PXDNL: variants seen among roughly 807,000 people sequenced by gnomAD.
PXDNL encodes peroxidasin like.
In PXDNL, 145 loss-of-function variants were observed where a neutral mutation model predicts 150.8. That is an observed-to-expected ratio of 0.96 (90% confidence interval 0.84 to 1.10). PXDNL has a LOEUF of 1.10. Among genes scored for constraint, PXDNL ranks in the 50% least tolerant of loss-of-function variants. The pLI is 0.00. For missense variants in PXDNL, 2,087 were observed against 1,873.9 expected (o/e 1.11, Z -2.10); for synonymous variants, 757 against 725.7 (o/e 1.04, Z -0.69).
chr8:51,352,521 G>A (rs1243558339), intron 19 of PXDNL, among the ~76,000 whole-genome samples: 1 of 152,106 alleles, frequency 6.6e-6, no homozygotes, highest in Non-Finnish European at 1.5e-5. Context: ...ATGATAGTGA[G>A]GGGGTTCTCA....
chr8:51,650,393 G>T (rs566245076), intron 2 of PXDNL, among the ~76,000 whole-genome samples: 1 of 152,250 alleles, frequency 6.6e-6, no homozygotes, highest in East Asian at 1.9e-4. Flanking sequence ...CCATGATCGA[G>T]TATAAAAGTT....
At position 51,408,138 on chromosome 8, in the gene PXDNL, C is replaced by T. The variant is rs1388510245; in HGVS notation, c.3486G>A (p.Leu1162=). The change falls in exon 17 of 23, where the codon TTG becomes TTA. Residue 1162 remains leucine (L), a synonymous_variant. Transcript: ENST00000356297. The part of the protein sequence containing the change: ...PYVDFRVFCN[L]TSVKNFEDLQ... ...GATCCTCAAAGTTCTTAACTGAAGTCAAATTACAGAAAACTCTGAAGTCAA... is the reference window on the plus strand; with the variant it reads ...GATCCTCAAAGTTCTTAACTGAAGTTAAATTACAGAAAACTCTGAAGTCAA... 6.2e-7 allele frequency: 1 copy of T among 1,613,100 alleles called. No homozygotes were observed. The highest frequency in any genetic ancestry group is 8.5e-7 in the Non-Finnish European group (1 of 1,179,660).
Position 51,538,634 on chromosome 8 carries a change from G to T in PXDNL, c.380+18206C>A, listed in dbSNP as rs146617718. Among the ~76,000 whole-genome samples, 5 of 152,184 alleles carry T rather than the reference G, an allele frequency of 3.3e-5. No homozygotes were observed. In the East Asian group the frequency reaches 9.7e-4, roughly 29 times the overall value. ...TACAAAAAATTAGGCGAGTCTGGTGGTGGGCGTCTGTAATCCCAGCTACTC... is the reference window on the plus strand; with the variant it reads ...TACAAAAAATTAGGCGAGTCTGGTGTTGGGCGTCTGTAATCCCAGCTACTC... On this transcript the variant is annotated intron_variant, in intron 4 of 22. Coordinates refer to ENST00000356297, the MANE Select transcript of PXDNL (RefSeq NM_144651.5).
intron 21 of PXDNL, among the ~76,000 whole-genome samples, chr8:51,332,198 C>T (rs760786165): frequency 2.7e-5 from 4 of 149,158 alleles, no homozygotes; most frequent in East Asian, 2.0e-4. Context: ...TGTGTAGACT[C>T]GCTGGATGGC....
chr8:51,473,686 A>G (rs1810403639), intron 7 of PXDNL, among the ~76,000 whole-genome samples: 1 of 151,650 alleles, frequency 6.6e-6, no homozygotes, highest in Non-Finnish European at 1.5e-5. Flanking sequence ...TGGCACATGT[A>G]TACATATGTA....
intron 1 of PXDNL, among the ~76,000 whole-genome samples, chr8:51,793,966 G>A (rs962881894): frequency 2.0e-5 from 3 of 151,876 alleles, no homozygotes; most frequent in African/African-American, 7.3e-5. Flanking sequence ...GTTTAGAGAG[G>A]AGCATAAATG....
chr8:51,661,861 T>G (rs1815277521), intron 1 of PXDNL, among the ~76,000 whole-genome samples: 1 of 146,902 alleles, frequency 6.8e-6, no homozygotes, highest in African/African-American at 2.6e-5. Context: ...TTTTTTTTTT[T>G]GTACATGTTT....
intron 2 of PXDNL, among the ~76,000 whole-genome samples, chr8:51,613,765 C>T (rs550551234): frequency 5.1e-4 from 78 of 152,268 alleles, no homozygotes; most frequent in African/African-American, 1.3e-3. Flanking sequence ...GCAAACTCCA[C>T]GAGGCACATC....
chr8:51,569,498 G>C (rs1199699915), intron 3 of PXDNL, among the ~76,000 whole-genome samples: 1 of 151,808 alleles, frequency 6.6e-6, no homozygotes, highest in Non-Finnish European at 1.5e-5. Flanking sequence ...TGTCGCTCTA[G>C]GAAGGCAAAT....
At chr8:51,616,857 A>G (rs1286312960) in intron 2 of PXDNL, among the ~76,000 whole-genome samples, 2 of 152,244 alleles carry the variant, frequency 1.3e-5, no homozygotes, top group African/African-American at 2.4e-5. Flanking sequence ...CTGTACTTTA[A>G]ATCATCTCTA....
At chr8:51,329,342 A>G (rs1344927223) in intron 21 of PXDNL, among the ~76,000 whole-genome samples, 1 of 152,212 alleles carries the variant, frequency 6.6e-6, no homozygotes, top group Non-Finnish European at 1.5e-5. Flanking sequence ...AAGACACTGG[A>G]GGAATTTAAA....
At chr8:51,612,865 G>C (rs931737105) in intron 2 of PXDNL, among the ~76,000 whole-genome samples, 1 of 152,194 alleles carries the variant, frequency 6.6e-6, no homozygotes, top group Non-Finnish European at 1.5e-5. Flanking sequence ...AATAAACTAA[G>C]ACACATGGGA....
At chr8:51,440,332 A>T (rs1051169359) in intron 12 of PXDNL, among the ~76,000 whole-genome samples, 4 of 152,126 alleles carry the variant, frequency 2.6e-5, no homozygotes, top group Admixed American at 2.6e-4. Context: ...TACAATGTAC[A>T]CTGCTTGGGT....
chr8:51,777,315 G>A (rs192177834), intron 1 of PXDNL, among the ~76,000 whole-genome samples: 13 of 152,284 alleles, frequency 8.5e-5, no homozygotes, highest in African/African-American at 1.2e-4. Flanking sequence ...AGATGGCTGC[G>A]ATAATTAAAT....
chr8:51,580,826 G>A lies in PXDNL; in HGVS notation c.308+11801C>T, dbSNP rs142080298. On this transcript the variant is annotated intron_variant, in intron 3 of 22. Transcript: ENST00000356297. ...GTCTCACATGTGAGAAATAACTCTG[G>A]TTGGGGAAATCTAGAAAAGTTACAT... Among the ~76,000 whole-genome samples, 279 of 152,262 alleles carry A rather than the reference G, an allele frequency of 1.8e-3. 1 individual carries two copies. The highest frequency in any genetic ancestry group is 6.8e-3 in the Middle Eastern group (2 of 294).
At chr8:51,602,362 C>T (rs888675311) in intron 2 of PXDNL, among the ~76,000 whole-genome samples, 2 of 151,784 alleles carry the variant, frequency 1.3e-5, no homozygotes, top group South Asian at 2.1e-4. Flanking sequence ...TTCTTAAAGA[C>T]TTCGCTTATT....
chr8:51,331,579 G>C (rs1805690416), intron 21 of PXDNL, among the ~76,000 whole-genome samples: 1 of 152,076 alleles, frequency 6.6e-6, no homozygotes, highest in African/African-American at 2.4e-5. Flanking sequence ...CAGAAAGCCT[G>C]AAAGCTTCTG....
intron 2 of PXDNL, among the ~76,000 whole-genome samples, chr8:51,607,925 G>GGAAAGAAAGAAAGAGAGAGAAAGAA (rs1813877103): frequency 7.8e-6 from 1 of 128,796 alleles, no homozygotes; most frequent in Non-Finnish European, 1.6e-5. Context: ...AAGGAAGGAA[G>GGAAAGAAAGAAAGAGAGAGAAAGAA]GAAAGAAAGA....
chr8:51,796,953 G>C (rs1335323069), intron 1 of PXDNL, among the ~76,000 whole-genome samples: 1 of 152,158 alleles, frequency 6.6e-6, no homozygotes, highest in Admixed American at 6.5e-5. Context: ...AAATCCAGCA[G>C]CACATTTAAA....
Sources: allele counts gnomAD v4.1 joint callset (sites outside exome capture counted in the v4.1 genomes callset), GRCh38; gene constraint gnomAD v4.1.1; transcripts MANE v1.5; gene names NCBI Gene and HGNC (gene_info 2026-07-23, HGNC 2026-07-21).